Variants in ARHGAP18 observed in about 807,000 individuals in gnomAD.
ARHGAP18 encodes Rho GTPase activating protein 18.
A neutral mutation model predicts 86.2 loss-of-function variants in ARHGAP18; 67 were observed. That is an observed-to-expected ratio of 0.78 (90% CI 0.64 to 0.95). The LOEUF (loss-of-function observed/expected upper bound fraction) is 0.95. Ranked by LOEUF, ARHGAP18 falls within the 40% of genes least tolerant of loss-of-function variation. The pLI is 0.00. For missense variants in ARHGAP18, 691 were observed against 780.4 expected, an observed-to-expected ratio of 0.89 and a Z score of 1.37; for synonymous variants, 283 against 280.4, an observed-to-expected ratio of 1.01 and a Z score of -0.09.
intron 1 of ARHGAP18, among the ~76,000 whole-genome samples, chr6:129,690,379 T>A (rs1407368184): frequency 2.0e-5 from 3 of 152,176 alleles, no homozygotes; most frequent in Non-Finnish European, 1.5e-5. Context: ...AAGTGGTAGA[T>A]TATTACCCTC....
rs1473294424 is a variant in ARHGAP18 at position 129,599,088 on chromosome 6, C to T, written c.1713+128G>A. The T allele has an allele frequency of 4.0e-6, 3 of 747,252 alleles. No homozygotes were observed. In the African/African-American group the frequency reaches 5.6e-5, roughly 14 times the overall value. The allele number at this position is 747,252 out of a possible 1,614,324, so 46.3% of individuals were successfully genotyped here. ...TAGGAAGACAGTTACTGATGTCTTT[C>T]ACTTACAAGTAGCACCACAGCCTAA... On this transcript the variant is annotated intron_variant, in intron 12 of 14. Transcript: ENST00000368149.
At chr6:129,619,136 C>T (rs1012344974) in intron 5 of ARHGAP18, among the ~76,000 whole-genome samples, 6 of 142,082 alleles carry the variant, frequency 4.2e-5, no homozygotes, top group Non-Finnish European at 9.1e-5. Flanking sequence ...GACAGTGAAC[C>T]AGGAGAAAAA....
At chr6:129,665,666 T>G (rs1156822757) in intron 1 of ARHGAP18, among the ~76,000 whole-genome samples, 1 of 152,210 alleles carries the variant, frequency 6.6e-6, no homozygotes, top group Admixed American at 6.5e-5. Flanking sequence ...AACAGGTAGT[T>G]AATAACAACA....
rs748770270 is a variant in ARHGAP18, at chr6:129,668,362, T to TCACACACACAAACACACA, written c.114-26345_114-26344insTGTGTGTTTGTGTGTGTG. 7.1e-4 allele frequency among the ~76,000 whole-genome samples: 98 copies of TCACACACACAAACACACA among 137,842 alleles called. 2 individuals are homozygous for TCACACACACAAACACACA. The highest frequency in any genetic ancestry group is 6.3e-3 in the Admixed American group (85 of 13,556). 90.4% of individuals were successfully genotyped at this position (137,842 alleles called of 152,430 possible). A position where few individuals can be genotyped will look rare whatever the true frequency, so the allele number is the denominator to read the frequency against. ...CCAAACCATCAATTTACCCAAATAA[T>TCACACACACAAACACACA]CACACACACACACACACACACACAC... On this transcript the variant is annotated intron_variant, in intron 1 of 14. Transcript: ENST00000368149.
At chr6:129,623,323 T>C (rs1364134314) in intron 5 of ARHGAP18, among the ~76,000 whole-genome samples, 1 of 152,198 alleles carries the variant, frequency 6.6e-6, no homozygotes, top group East Asian at 1.9e-4. Flanking sequence ...AATAGGGGTG[T>C]CTACCTCCTA....
intron 5 of ARHGAP18, among the ~76,000 whole-genome samples, chr6:129,625,169 TATG>T (rs1789346586): frequency 1.7e-5 from 1 of 58,884 alleles, no homozygotes; most frequent in Non-Finnish European, 3.3e-5. Flanking sequence ...ATATATTATA[TATG>T]ATATATTATA....
chr6:129,576,719 C>CCTCA lies in ARHGAP18; in HGVS notation c.*1790_*1793dup, dbSNP rs1383912025. On this transcript the variant is annotated 3_prime_UTR_variant, in exon 15 of 15. Transcript: ENST00000368149. ...GACAACCTTTTACTTAAATCATTATCCTCACTGCTATCTTTTTTTTTGAAG... is the reference window on the plus strand; with the variant it reads ...GACAACCTTTTACTTAAATCATTATCCTCACTCACTGCTATCTTTTTTTTTGAAG... 1 of 151,930 alleles carries CCTCA rather than the reference C, an allele frequency of 6.6e-6. No individual in the cohort carries two copies. The highest frequency in any genetic ancestry group is 1.9e-4 in the East Asian group (1 of 5,196). 9.4% of individuals were successfully genotyped at this position (151,930 alleles called of 1,614,324 possible).
In ARHGAP18 at chr6:129,695,377, A is replaced by C. The variant is rs370211411; in HGVS notation, c.113+14647T>G. 3.0e-3 allele frequency among the ~76,000 whole-genome samples: 426 copies of C among 142,966 alleles called. 5 individuals are homozygous for C. Among genetic ancestry groups the C allele is most frequent in the African/African-American group, 0.011 (408 of 37,868 alleles). The allele number at this position is 142,966 out of a possible 152,430, so 93.8% of individuals were successfully genotyped here. The stretch of plus-strand genomic sequence containing the variant: ...CACCTGTTAACAGTGTCCAACACAC[A>C]ATTTTGAAACAGGGATCTAAACCCA... On this transcript the variant is annotated intron_variant, in intron 1 of 14. Transcript: ENST00000368149.
At chr6:129,699,203 C>T (rs963252123) in intron 1 of ARHGAP18, among the ~76,000 whole-genome samples, 2 of 152,156 alleles carry the variant, frequency 1.3e-5, no homozygotes, top group South Asian at 2.1e-4. Context: ...TCTAAAGTCA[C>T]AAGAATGTAT....
intron 10 of ARHGAP18, among the ~76,000 whole-genome samples, chr6:129,601,349 C>G (rs1455184496): frequency 6.6e-6 from 1 of 152,002 alleles, no homozygotes; most frequent in African/African-American, 2.4e-5. Context: ...TGGTGCATAC[C>G]TGTAGTCCCA....
intron 1 of ARHGAP18, among the ~76,000 whole-genome samples, chr6:129,689,494 T>C (rs1774488921): frequency 6.6e-6 from 1 of 152,128 alleles, no homozygotes; most frequent in Non-Finnish European, 1.5e-5. Context: ...GGTTTCACCA[T>C]GTTGGCCAAG....
chr6:129,679,491 T>A (rs1774289360), intron 1 of ARHGAP18, among the ~76,000 whole-genome samples: 1 of 152,224 alleles, frequency 6.6e-6, no homozygotes, highest in Admixed American at 6.5e-5. Flanking sequence ...CCAAGTAATG[T>A]GGATACAATT....
At chr6:129,583,244 G>A (rs906407387) in intron 13 of ARHGAP18, among the ~76,000 whole-genome samples, 1 of 152,180 alleles carries the variant, frequency 6.6e-6, no homozygotes, top group Non-Finnish European at 1.5e-5. Flanking sequence ...AATGAGGCTG[G>A]AGGAGGCATG....
At chr6:129,637,875 T>G (rs185047290) in intron 3 of ARHGAP18, among the ~76,000 whole-genome samples, 144 of 152,346 alleles carry the variant, frequency 9.5e-4, no homozygotes, top group Non-Finnish European at 9.0e-4. Context: ...AAATTTAATT[T>G]GTCTAAGGTC....
intron 5 of ARHGAP18, among the ~76,000 whole-genome samples, chr6:129,624,949 AAT>A (rs537328208): frequency 3.0e-4 from 38 of 128,318 alleles, no homozygotes; most frequent in African/African-American, 5.6e-4. Flanking sequence ...CCATTTCAAA[AAT>A]ATATATATAT....
Position 129,622,249 on chromosome 6 carries a change from C to T in ARHGAP18, c.787-3397G>A, listed in dbSNP as rs927038236. Reference sequence around the variant, plus strand: ...ACTGAGTTTTCCTTTTTAAAAATCACACAAAACTGGTCACATTTTTCCCAT... The same window carrying T: ...ACTGAGTTTTCCTTTTTAAAAATCATACAAAACTGGTCACATTTTTCCCAT... On this transcript the variant is annotated intron_variant, in intron 5 of 14. Coordinates refer to ENST00000368149, the MANE Select transcript of ARHGAP18 (RefSeq NM_033515.3). 1.1e-4 allele frequency among the ~76,000 whole-genome samples: 17 copies of T among 152,314 alleles called. No individual in the cohort carries two copies. The East Asian group carries it at 2.9e-3, about 26-fold the overall frequency.
chr6:129,599,218 C>T lies in ARHGAP18; in HGVS notation c.1711G>A (p.Asp571Asn). 1 of 1,550,996 alleles carries T rather than the reference C, an allele frequency of 6.4e-7. No homozygotes were observed. Among genetic ancestry groups the T allele is most frequent in the Non-Finnish European group, 8.6e-7 (1 of 1,156,588 alleles). ...ACATATCTCCACTATTTTCTTACAT[C>T]ATTTGTACTCTTATCTTGCTTTTCA... Reference protein sequence around the residue: ...KYEKQDKSTNDADVPQGVIRV... With the variant: ...KYEKQDKSTNNADVPQGVIRV... Residue 571 changes from aspartate to asparagine, a missense_variant and splice_region_variant, in exon 12 of 15, where the codon GAT becomes AAT. Physicochemically the swap from Asp to Asn is conservative, Grantham distance 23 (BLOSUM62 1). Transcript: ENST00000368149.
At chr6:129,607,815 G>A (rs1317461709) in intron 9 of ARHGAP18, 78 bp downstream of exon 9, 1 of 1,415,426 alleles carries the variant, frequency 7.1e-7, no homozygotes, top group African/African-American at 1.5e-5. Context: ...TGCGTTCTTT[G>A]TGATGCCAAA....
At chr6:129,675,750 T>G (rs1261684717) in intron 1 of ARHGAP18, among the ~76,000 whole-genome samples, 4 of 152,200 alleles carry the variant, frequency 2.6e-5, no homozygotes, top group Non-Finnish European at 5.9e-5. Context: ...TTTTTCCTTG[T>G]TCCTAGAGAT....
Sources: allele counts gnomAD v4.1 joint callset (sites outside exome capture counted in the v4.1 genomes callset), GRCh38; gene constraint gnomAD v4.1.1; transcripts MANE v1.5; gene names NCBI Gene and HGNC (gene_info 2026-07-23, HGNC 2026-07-21).